The following SHISA6 variants were observed in gnomAD, a reference collection of about 807,000 sequenced individuals.
The protein encoded by SHISA6 is protein shisa-6.
A neutral mutation model predicts 47.9 loss-of-function variants in SHISA6; 22 were observed. The observed-to-expected ratio is 0.46, with a 90% CI of 0.33 to 0.66. The LOEUF (loss-of-function observed/expected upper bound fraction) is 0.66, where lower values mean the gene tolerates loss of function less well. Ranked by LOEUF, SHISA6 falls within the 30% of genes least tolerant of loss-of-function variation. The probability of loss-of-function intolerance (pLI) is 0.02; values close to 1 mark genes in which losing one functional copy is unlikely to be tolerated. For synonymous variants in SHISA6, 388 were observed against 337.8 expected (o/e 1.15, Z -1.63); for missense variants, 680 against 764.6 (o/e 0.89, Z 1.30).
At chr17:11,388,397 A>C (rs946918643) in intron 3 of SHISA6, among the ~76,000 whole-genome samples, 1 of 152,096 alleles carries the variant, frequency 6.6e-6, no homozygotes, top group African/African-American at 2.4e-5. Flanking sequence ...GTGGGAGCAG[A>C]GCAGAGAGGA....
chr17:11,433,316 A>C (rs1914844229), intron 3 of SHISA6, among the ~76,000 whole-genome samples: 4 of 151,988 alleles, frequency 2.6e-5, no homozygotes. Flanking sequence ...CCCACTTATG[A>C]GTGAGGACAT....
intron 2 of SHISA6, among the ~76,000 whole-genome samples, chr17:11,350,182 ATTTT>A (rs778331945): frequency 7.7e-5 from 9 of 116,266 alleles, no homozygotes; most frequent in South Asian, 2.9e-4. Flanking sequence ...TTATTTATTT[ATTTT>A]TTTTTTTTTT....
intron 3 of SHISA6, among the ~76,000 whole-genome samples, chr17:11,534,179 T>G (rs34647665): frequency 7.0e-6 from 1 of 142,056 alleles, no homozygotes; most frequent in Non-Finnish European, 1.5e-5. Context: ...TTTTTTTTTG[T>G]ATTTTTAGTA....
intron 2 of SHISA6, among the ~76,000 whole-genome samples, chr17:11,364,042 C>T (rs1912369596): frequency 6.6e-6 from 1 of 152,202 alleles, no homozygotes; most frequent in African/African-American, 2.4e-5. Context: ...CTCTTGAATT[C>T]TTTCCTGAGC....
chr17:11,357,473 C>T (rs913983015), intron 2 of SHISA6, among the ~76,000 whole-genome samples: 1 of 152,140 alleles, frequency 6.6e-6, no homozygotes, highest in African/African-American at 2.4e-5. Flanking sequence ...CAAAAAATGC[C>T]TAGAGAGCAA....
intron 3 of SHISA6, among the ~76,000 whole-genome samples, chr17:11,409,141 T>C (rs1462378415): frequency 1.3e-5 from 2 of 152,200 alleles, no homozygotes; most frequent in African/African-American, 4.8e-5. Context: ...GTTGTGTCAT[T>C]ATAGCTGCAG....
At chr17:11,465,656 C>T (rs1915792696) in intron 3 of SHISA6, among the ~76,000 whole-genome samples, 1 of 152,166 alleles carries the variant, frequency 6.6e-6, no homozygotes, top group South Asian at 2.1e-4. Context: ...GCGCACACCT[C>T]CACTCACATC....
chr17:11,286,494 C>T (rs1909305594), intron 2 of SHISA6, among the ~76,000 whole-genome samples: 1 of 152,132 alleles, frequency 6.6e-6, no homozygotes. Flanking sequence ...TAGTTCTTGG[C>T]TTGTACCTCT....
chr17:11,375,084 T>C (rs16944653), intron 2 of SHISA6, among the ~76,000 whole-genome samples: 4,842 of 152,270 alleles, frequency 0.032, 270 homozygotes, highest in African/African-American at 0.11. Context: ...TTCTCCTTTA[T>C]TTTTTAAAAT....
At chr17:11,382,527 C>T (rs1913045953) in intron 3 of SHISA6, among the ~76,000 whole-genome samples, 2 of 152,206 alleles carry the variant, frequency 1.3e-5, no homozygotes, top group Non-Finnish European at 2.9e-5. Flanking sequence ...ATGTAAATAT[C>T]CCATGGAAGG....
At chr17:11,550,086 G>A (rs1019233717) in intron 3 of SHISA6, among the ~76,000 whole-genome samples, 6 of 150,786 alleles carry the variant, frequency 4.0e-5, no homozygotes, top group Admixed American at 3.3e-4. Flanking sequence ...ACGAAGTTTT[G>A]CTCTATCCCC....
chr17:11,423,326 TATA>T lies in SHISA6; in HGVS notation c.895+43818_895+43820del, dbSNP rs1914510779. On this transcript the variant is annotated intron_variant, in intron 3 of 5. Transcript: ENST00000441885. ...TATCTATATATGCCTGTAACATATA[TATA>T]GATAGATAGATAGATAGATAGATAG... Among the ~76,000 whole-genome samples, 4 of 142,678 alleles carry T rather than the reference TATA, an allele frequency of 2.8e-5. No homozygotes were observed. In the Admixed American group the frequency reaches 2.9e-4, roughly 10 times the overall value. 93.6% of individuals were successfully genotyped at this position (142,678 alleles called of 152,430 possible).
chr17:11,342,666 C>T (rs1433589236), intron 2 of SHISA6, among the ~76,000 whole-genome samples: 1 of 152,200 alleles, frequency 6.6e-6, no homozygotes, highest in African/African-American at 2.4e-5. Context: ...CAACCAACCC[C>T]TCCTTTTGCA....
chr17:11,474,504 T>C (rs893866497), intron 3 of SHISA6, among the ~76,000 whole-genome samples: 11 of 152,006 alleles, frequency 7.2e-5, no homozygotes, highest in African/African-American at 2.7e-4. Context: ...AAGGTTTGGA[T>C]TGATTTTTGT....
Position 11,241,645 on chromosome 17 carries a change from G to A in SHISA6, c.223G>A (p.Gly75Arg). The change falls in exon 1 of 6, where the codon GGG (glycine) becomes AGG (arginine). Residue 75 changes from glycine (G) to arginine (R), a missense_variant. Gly to Arg is a moderately radical substitution (Grantham distance 125). Transcript: ENST00000441885. The surrounding 1 kb of genome is among the most constrained non-coding windows in gnomAD (Gnocchi z 5.5). ...PGIPEAGSRRGQPAAAVAAAA... is the reference protein window; with the variant it reads ...PGIPEAGSRRRQPAAAVAAAA... Reference sequence around the variant, plus strand: ...AATCCCGGAGGCGGGAAGCCGGCGGGGGCAGCCCGCGGCGGCTGTGGCGGC... The same window carrying A: ...AATCCCGGAGGCGGGAAGCCGGCGGAGGCAGCCCGCGGCGGCTGTGGCGGC... 4 of 1,410,716 alleles carry A rather than the reference G, an allele frequency of 2.8e-6. No homozygotes were observed. Among genetic ancestry groups the A allele is most frequent in the Non-Finnish European group, 3.7e-6 (4 of 1,090,918 alleles). The allele number at this position is 1,410,716 out of a possible 1,614,324, so 87.4% of individuals were successfully genotyped here. A position where few individuals can be genotyped will look rare whatever the true frequency, so the allele number is the denominator to read the frequency against.
chr17:11,519,989 T>G (rs367836674), intron 3 of SHISA6, among the ~76,000 whole-genome samples: 2 of 152,320 alleles, frequency 1.3e-5, no homozygotes, highest in South Asian at 2.1e-4. Flanking sequence ...GGGCTTCCTC[T>G]GTTCTCTCCT....
chr17:11,509,683 C>G (rs1055613546), intron 3 of SHISA6, among the ~76,000 whole-genome samples: 1 of 152,178 alleles, frequency 6.6e-6, no homozygotes, highest in Non-Finnish European at 1.5e-5. Context: ...GAATTAACCT[C>G]TGCAACAGCA....
intron 3 of SHISA6, among the ~76,000 whole-genome samples, chr17:11,406,192 C>T (rs538716515): frequency 6.6e-6 from 1 of 152,322 alleles, no homozygotes; most frequent in Admixed American, 6.5e-5. Flanking sequence ...GGCAGTGGTA[C>T]GTGGACACAC....
chr17:11,336,704 C>T (rs1343041350), intron 2 of SHISA6, among the ~76,000 whole-genome samples: 1 of 152,204 alleles, frequency 6.6e-6, no homozygotes, highest in Non-Finnish European at 1.5e-5. Flanking sequence ...TCCCTGGCCA[C>T]CTCTGAGAAA....
Sources: allele counts gnomAD v4.1 joint callset (sites outside exome capture counted in the v4.1 genomes callset), GRCh38; gene constraint gnomAD v4.1.1; non-coding constraint Gnocchi (gnomAD v3.1); transcripts MANE v1.5; gene names NCBI Gene and HGNC (gene_info 2026-07-23, HGNC 2026-07-21).